Variants in H6PD observed in about 807,000 individuals in gnomAD.
H6PD encodes GDH/6PGL endoplasmic bifunctional protein.
Under a neutral mutation model 61.2 loss-of-function variants are expected in H6PD, and 48 were observed. That is an observed-to-expected ratio of 0.78 (90% CI 0.62 to 1.00). H6PD has a LOEUF of 1.00. Among genes scored for constraint, H6PD ranks in the 50% least tolerant of loss-of-function variants. The pLI is 0.00. For synonymous variants in H6PD, 480 were observed against 457.9 expected, an observed-to-expected ratio of 1.05 and a Z score of -0.62; for missense variants, 1,093 against 1,065.0, an observed-to-expected ratio of 1.03 and a Z score of -0.37.
chr1:9,235,901 C>CAT (rs1369722154), intron 1 of H6PD, among the ~76,000 whole-genome samples: 8 of 152,214 alleles, frequency 5.3e-5, no homozygotes, highest in African/African-American at 1.9e-4. Flanking sequence ...TGTGAAGCAC[C>CAT]ACGCCCAGAC....
intron 3 of H6PD, 118 bp downstream of exon 3, chr1:9,247,201 C>T: frequency 1.3e-6 from 1 of 776,040 alleles, no homozygotes; most frequent in Admixed American, 1.9e-5. Context: ...TCCCTTCGAG[C>T]CTGCCGTGTG....
chr1:9,241,906 CTG>C (rs935946108), intron 1 of H6PD, among the ~76,000 whole-genome samples: 2 of 152,178 alleles, frequency 1.3e-5, no homozygotes, highest in Non-Finnish European at 2.9e-5. Context: ...CTCCACAAGA[CTG>C]TTGTGAGGAA....
intron 2 of H6PD, 132 bp from the exon 3 acceptor site, chr1:9,246,834 C>CAG (rs1361299804): frequency 1.7e-5 from 13 of 767,446 alleles, no homozygotes; most frequent in Non-Finnish European, 2.9e-5. Flanking sequence ...TCGTGAAGTC[C>CAG]AGAACTACTG....
chr1:9,247,743 G>A (rs1362021145), intron 3 of H6PD, among the ~76,000 whole-genome samples: 3 of 152,184 alleles, frequency 2.0e-5, no homozygotes, highest in Non-Finnish European at 2.9e-5. Flanking sequence ...CCTGCGTCAT[G>A]CCCACCGCTG....
intron 1 of H6PD, among the ~76,000 whole-genome samples, chr1:9,238,564 C>G (rs747650101): frequency 6.6e-6 from 1 of 152,126 alleles, no homozygotes; most frequent in African/African-American, 2.4e-5. Flanking sequence ...CTGACAGATA[C>G]GATGACCTCA....
intron 3 of H6PD, among the ~76,000 whole-genome samples, chr1:9,252,659 A>G (rs925554661): frequency 3.9e-5 from 6 of 152,268 alleles, no homozygotes; most frequent in African/African-American, 1.4e-4. Context: ...TTATGCAACT[A>G]CTATCTAATT....
chr1:9,263,467 G>A (rs1295379954), intron 4 of H6PD, 42 bp from the exon 5 acceptor site: 5 of 1,602,790 alleles, frequency 3.1e-6, no homozygotes, highest in Non-Finnish European at 4.3e-6. Flanking sequence ...GAGAGTCCTG[G>A]TCTGTGCCAG....
intron 3 of H6PD, among the ~76,000 whole-genome samples, chr1:9,259,754 T>C (rs912864260): frequency 3.9e-5 from 6 of 152,156 alleles, no homozygotes; most frequent in African/African-American, 9.7e-5. Context: ...TATGTTGCTG[T>C]TGTTACACTG....
At position 9,262,302 on chromosome 1, in the gene H6PD, T is replaced by G; in HGVS notation, c.989T>G (p.Phe330Cys). 1 of 1,608,038 alleles carries G rather than the reference T, an allele frequency of 6.2e-7. No individual in the cohort carries two copies. The highest frequency in any genetic ancestry group is 8.5e-7 in the Non-Finnish European group (1 of 1,177,398). The change falls in exon 4 of 5, where the codon TTC becomes TGC. Residue 330 changes from phenylalanine (F) to cysteine (C), a missense_variant. Physicochemically the swap from Phe to Cys is radical, Grantham distance 205. Coordinates refer to ENST00000377403, the MANE Select transcript of H6PD (RefSeq NM_004285.4). ...VRRELQKPDSFHSLTPTFAAV... is the reference protein window; with the variant it reads ...VRRELQKPDSCHSLTPTFAAV... ...AGAGAGCTGCAGAAGCCAGACAGCT[T>G]CCACAGCCTGACGCCGACCTTCGCA...
At position 9,268,751 on chromosome 1, in the gene H6PD, C is replaced by T. The variant is rs1275423281; in HGVS notation, c.*3882C>T. On this transcript the variant is annotated 3_prime_UTR_variant, in exon 5 of 5. Transcript: ENST00000377403. The stretch of plus-strand genomic sequence containing the variant: ...GGCCTACTATTCCAGACTAGTCCCT[C>T]GAGGGGTTCCCTTCCAAAATATGCA... 2 of 152,192 alleles carry T rather than the reference C, an allele frequency of 1.3e-5. No homozygotes were observed. Among genetic ancestry groups the T allele is most frequent in the African/African-American group, 4.8e-5 (2 of 41,438 alleles). 9.4% of individuals were successfully genotyped at this position (152,192 alleles called of 1,614,324 possible).
intron 1 of H6PD, among the ~76,000 whole-genome samples, chr1:9,237,199 TCTAG>T (rs1227980409): frequency 6.7e-6 from 1 of 149,252 alleles, no homozygotes; most frequent in Non-Finnish European, 1.5e-5. Context: ...TCCTATCACC[TCTAG>T]CTGCTTGACC....
chr1:9,255,552 G>C (rs988230841), intron 3 of H6PD, among the ~76,000 whole-genome samples: 1 of 152,164 alleles, frequency 6.6e-6, no homozygotes, highest in Admixed American at 6.5e-5. Context: ...AAAGTGCTGG[G>C]ATTACAAGCA....
Position 9,263,641 on chromosome 1 carries a change from A to C in H6PD, c.1148A>C (p.Glu383Ala), listed in dbSNP as rs966297321. 6.2e-7 allele frequency: 1 copy of C among 1,614,214 alleles called. No homozygotes were observed. Among genetic ancestry groups the C allele is most frequent in the Non-Finnish European group, 8.5e-7 (1 of 1,180,034 alleles). The part of the protein sequence containing the change: ...FKNQACCVQS[E>A]KHWAAAQSQC... Reference sequence around the variant, plus strand: ...AACCAGGCCTGCTGTGTGCAGAGCGAAAAGCACTGGGCCGCGGCGCAGAGC... The same window carrying C: ...AACCAGGCCTGCTGTGTGCAGAGCGCAAAGCACTGGGCCGCGGCGCAGAGC... Residue 383 changes from glutamate (E) to alanine (A), a missense_variant, in exon 5 of 5, where the codon GAA becomes GCA. By Grantham distance (107) the Glu-to-Ala change is moderately radical (BLOSUM62 -1). Transcript: ENST00000377403.
rs758708481 is a variant in H6PD, at chr1:9,245,030, A to C, written c.96A>C (p.Gly32=). Residue 32 remains glycine, a synonymous_variant, in exon 2 of 5, where the codon GGA becomes GGC. Transcript: ENST00000377403. This position sits in a 1 kb window ranked among gnomAD's most constrained non-coding sequence, Gnocchi z 4.8. ...GACATGTCTCCATAATCCTGCTGGG[A>C]GCAACTGGGGACCTGGCTAAGAAGT... The part of the protein sequence containing the change: ...LQGHVSIILL[G]ATGDLAKKYL... 45 of 1,614,166 alleles carry C rather than the reference A, an allele frequency of 2.8e-5. No individual in the cohort carries two copies. The highest frequency in any genetic ancestry group is 3.8e-5 in the Non-Finnish European group (45 of 1,180,018).
intron 3 of H6PD, among the ~76,000 whole-genome samples, chr1:9,258,650 G>A (rs1359980362): frequency 1.3e-5 from 2 of 151,772 alleles, no homozygotes; most frequent in Non-Finnish European, 2.9e-5. Context: ...CCAGTGTTAT[G>A]CCGGTGTTGT....
rs150373672 is a variant in H6PD at position 9,264,335 on chromosome 1, G to A, written c.1842G>A (p.Thr614=). ...ACTATGGCTTCCCCTGGGCCCACAC[G>A]CACCTGTGGCTGGTTGACGAGCGCT... ...TAHYGFPWAH[T]HLWLVDERCV... Residue 614 remains threonine, a synonymous_variant, in exon 5 of 5, where the codon ACG becomes ACA. Transcript: ENST00000377403. 1.8e-3 allele frequency: 2,917 copies of A among 1,612,184 alleles called. 10 individuals carry two copies. The highest frequency in any genetic ancestry group is 1.7e-3 in the Non-Finnish European group (2,001 of 1,179,854).
chr1:9,264,542 C>A lies in H6PD; in HGVS notation c.2049C>A (p.Asn683Lys). 1 of 1,613,340 alleles carries A rather than the reference C, an allele frequency of 6.2e-7. No homozygotes were observed. The highest frequency in any genetic ancestry group is 1.1e-5 in the South Asian group (1 of 91,082). Residue 683 changes from asparagine to lysine, a missense_variant, in exon 5 of 5, where the codon AAC (asparagine) becomes AAA (lysine). Physicochemically the swap from Asn to Lys is moderately conservative, Grantham distance 94. Coordinates refer to ENST00000377403, the MANE Select transcript of H6PD (RefSeq NM_004285.4). Reference protein sequence around the residue: ...YAREISALVANSSFDLVLLGM... With the variant: ...YAREISALVAKSSFDLVLLGM... ...GGGAGATCTCAGCCCTGGTGGCCAA[C>A]AGCAGCTTCGACCTGGTGCTGCTGG...
intron 3 of H6PD, among the ~76,000 whole-genome samples, chr1:9,253,396 CT>C (rs1413103316): frequency 1.3e-5 from 2 of 152,168 alleles, no homozygotes. Context: ...CTTTTAGGGA[CT>C]CTGTTGTGTT....
chr1:9,268,836 C>T lies in H6PD; in HGVS notation c.*3967C>T, dbSNP rs972724993. The T allele has an allele frequency of 9.2e-5, 14 of 152,218 alleles. No individual in the cohort carries two copies. Among genetic ancestry groups the T allele is most frequent in the African/African-American group, 3.4e-4 (14 of 41,450 alleles). The allele number at this position is 152,218 out of a possible 1,614,324, so 9.4% of individuals were successfully genotyped here. On this transcript the variant is annotated 3_prime_UTR_variant, in exon 5 of 5. Coordinates refer to ENST00000377403, the MANE Select transcript of H6PD (RefSeq NM_004285.4). Reference sequence around the variant, plus strand: ...TGCTTGTGTTTCTCCTGTCCCTGTTCTCCCGGAGGGCCCAGGTGGAACTCA... The same window carrying T: ...TGCTTGTGTTTCTCCTGTCCCTGTTTTCCCGGAGGGCCCAGGTGGAACTCA...
Sources: allele counts gnomAD v4.1 joint callset (sites outside exome capture counted in the v4.1 genomes callset), GRCh38; gene constraint gnomAD v4.1.1; non-coding constraint Gnocchi (gnomAD v3.1); transcripts MANE v1.5; gene names NCBI Gene and HGNC (gene_info 2026-07-23, HGNC 2026-07-21).